SRRM1: variants seen among roughly 807,000 people sequenced by gnomAD.
SRRM1 encodes serine/arginine repetitive matrix protein 1.
In SRRM1, 19 loss-of-function variants were observed where a neutral mutation model predicts 110.2. The ratio of observed to expected loss-of-function variants is 0.17; its 90% confidence interval spans 0.12 to 0.25. The LOEUF (loss-of-function observed/expected upper bound fraction) is 0.25, where lower values mean the gene tolerates loss of function less well. Ranked by LOEUF, SRRM1 falls within the 10% of genes least tolerant of loss-of-function variation. The pLI is 1.00. For missense variants in SRRM1, 918 were observed against 1,145.8 expected, an observed-to-expected ratio of 0.80 and a Z score of 2.87; for synonymous variants, 443 against 414.9, an observed-to-expected ratio of 1.07 and a Z score of -0.82.
intron 8 of SRRM1, among the ~76,000 whole-genome samples, chr1:24,653,619 A>C (rs1247330383): frequency 6.6e-6 from 1 of 152,180 alleles, no homozygotes; most frequent in Non-Finnish European, 1.5e-5. Flanking sequence ...TCAAAACCCC[A>C]ACTGTACCAG....
Position 24,651,568 on chromosome 1 carries a change from A to C in SRRM1, c.681A>C (p.Ser227=), listed in dbSNP as rs1570747200. The change falls in exon 6 of 17, where the codon TCA becomes TCC. Residue 227 remains serine, a synonymous_variant. Coordinates refer to ENST00000323848, the MANE Select transcript of SRRM1 (RefSeq NM_005839.4). ...KEKTPELPEP[S]VKVKEPSVQE... ...AAACTCCAGAGCTCCCAGAACCTTC[A>C]GTGAAAGTAAAAGAACCTTCAGTAC... 3 of 1,613,834 alleles carry C rather than the reference A, an allele frequency of 1.9e-6. No homozygotes were observed. Among genetic ancestry groups the C allele is most frequent in the African/African-American group, 2.7e-5 (2 of 75,052 alleles).
Position 24,660,849 on chromosome 1 carries a change from T to C in SRRM1, c.1396+50T>C, listed in dbSNP as rs887057257. 3 of 1,365,042 alleles carry C rather than the reference T, an allele frequency of 2.2e-6. No homozygotes were observed. The African/African-American group carries it at 4.4e-5, about 20-fold the overall frequency. The allele number at this position is 1,365,042 out of a possible 1,614,324, so 84.6% of individuals were successfully genotyped here. ...ATTTTGGTTTGTTTGTTTTTGTTTT[T>C]CTTAAAGCTGATTTTGATTTTTTGC... On this transcript the variant is annotated intron_variant, in intron 10 of 16. Coordinates refer to ENST00000323848, the MANE Select transcript of SRRM1 (RefSeq NM_005839.4).
chr1:24,650,005 A>C lies in SRRM1; in HGVS notation c.440A>C (p.Gln147Pro), dbSNP rs375185519. Reference sequence around the variant, plus strand: ...GAAAAACTGGCATCTATGAAAAAGCAAGATGAAGACAAAGATAAAAGAGAT... The same window carrying C: ...GAAAAACTGGCATCTATGAAAAAGCCAGATGAAGACAAAGATAAAAGAGAT... The part of the protein sequence containing the change: ...EQEKLASMKK[Q>P]DEDKDKRDKE... Residue 147 changes from glutamine (Q) to proline (P), a missense_variant, in exon 5 of 17, where the codon CAA (glutamine) becomes CCA (proline). By Grantham distance (76) the Gln-to-Pro change is moderately conservative. Transcript: ENST00000323848. 2.5e-6 allele frequency: 4 copies of C among 1,594,870 alleles called. No homozygotes were observed. In the African/African-American group the frequency reaches 5.4e-5, roughly 22 times the overall value.
At chr1:24,669,623 T>A in intron 14 of SRRM1, 36 bp downstream of exon 14, 1 of 1,444,200 alleles carries the variant, frequency 6.9e-7, no homozygotes, top group Non-Finnish European at 9.4e-7. Context: ...TAGGAATACT[T>A]ACATAGCTGT....
At chr1:24,645,588 C>G (rs1049364321) in intron 1 of SRRM1, among the ~76,000 whole-genome samples, 2 of 152,120 alleles carry the variant, frequency 1.3e-5, no homozygotes, top group East Asian at 3.9e-4. Context: ...AGTAGTTTTG[C>G]AAGCATGCAA....
intron 12 of SRRM1, among the ~76,000 whole-genome samples, chr1:24,665,429 C>CAA (rs1217512447): frequency 1.9e-5 from 2 of 104,780 alleles, no homozygotes; most frequent in African/African-American, 3.7e-5. Context: ...AACTCCGTCT[C>CAA]AAAAAAAAAA....
At chr1:24,649,099 G>C in intron 4 of SRRM1, 70 bp downstream of exon 4, 1 of 1,387,626 alleles carries the variant, frequency 7.2e-7, no homozygotes, top group East Asian at 2.3e-5. Context: ...ACCTTAGGTA[G>C]TATATGACTC....
intron 12 of SRRM1, chr1:24,663,227 T>G (rs1668140615): frequency 6.6e-7 from 1 of 1,507,024 alleles, no homozygotes; most frequent in Non-Finnish European, 9.0e-7. Flanking sequence ...ACTAAAAGGT[T>G]GGTTAGACAC....
At position 24,670,121 on chromosome 1, in the gene SRRM1, G is replaced by A; in HGVS notation, c.2206G>A (p.Ala736Thr). The change falls in exon 15 of 17, where the codon GCT becomes ACT. Residue 736 changes from alanine to threonine, a missense_variant and splice_region_variant. This residue lies in a region of SRRM1 where 357 missense variants were observed against 402.9 expected (regional missense o/e 0.89). Coordinates refer to ENST00000323848, the MANE Select transcript of SRRM1 (RefSeq NM_005839.4). ...RTPEPKKIKKAASPSPQSVRR... is the reference protein window; with the variant it reads ...RTPEPKKIKKTASPSPQSVRR... ...GAATGTTTTTTCCTTTTTGTCTAGG[G>A]CTGCTTCCCCAAGCCCACAGTCTGT... The A allele has an allele frequency of 1.3e-6, 2 of 1,572,202 alleles. No individual in the cohort carries two copies. The highest frequency in any genetic ancestry group is 2.3e-5 in the East Asian group (1 of 43,874).
intron 6 of SRRM1, 45 bp downstream of exon 6, chr1:24,651,657 T>G (rs373573553): frequency 7.3e-7 from 1 of 1,365,154 alleles, no homozygotes; most frequent in Non-Finnish European, 1.0e-6. Context: ...AATTTTAGAT[T>G]AATAGTGACT....
At chr1:24,651,645 A>T (rs781235345) in intron 6 of SRRM1, 33 bp downstream of exon 6, 7 of 1,496,952 alleles carry the variant, frequency 4.7e-6, no homozygotes, top group Middle Eastern at 2.4e-4. Flanking sequence ...ATAAATAATC[A>T]CAATTTTAGA....
At chr1:24,667,484 C>A (rs976248436) in intron 13 of SRRM1, among the ~76,000 whole-genome samples, 4 of 152,176 alleles carry the variant, frequency 2.6e-5, no homozygotes, top group Non-Finnish European at 5.9e-5. Context: ...ACATTGGCAT[C>A]GTGTATTTCC....
intron 15 of SRRM1, 142 bp from the exon 16 acceptor site, chr1:24,671,244 C>T (rs1672588177): frequency 3.5e-6 from 3 of 856,544 alleles, no homozygotes; most frequent in African/African-American, 3.4e-5. Context: ...TGGCCTTGGG[C>T]CTTCCCCACT....
chr1:24,652,368 G>A (rs1661461888), intron 6 of SRRM1, 66 bp from the exon 7 acceptor site: 1 of 1,116,276 alleles, frequency 9.0e-7, no homozygotes, highest in African/African-American at 1.6e-5. Flanking sequence ...TTACATCATT[G>A]TGTAATGATT....
chr1:24,643,369 C>T, intron 1 of SRRM1, 22 bp downstream of exon 1: 4 of 1,545,172 alleles, frequency 2.6e-6, no homozygotes, highest in Non-Finnish European at 3.5e-6. Context: ...CGCCGGGCGC[C>T]GGGGTGAGGC....
chr1:24,657,380 T>C (rs977047645), intron 9 of SRRM1, among the ~76,000 whole-genome samples: 8 of 152,242 alleles, frequency 5.3e-5, no homozygotes, highest in African/African-American at 1.4e-4. Context: ...GTGAATACTT[T>C]TCACAACTTT....
Position 24,654,933 on chromosome 1 carries a change from G to A in SRRM1, c.1119G>A (p.Lys373=). 6.2e-7 allele frequency: 1 copy of A among 1,614,154 alleles called. No homozygotes were observed. Among genetic ancestry groups the A allele is most frequent in the South Asian group, 1.1e-5 (1 of 91,088 alleles). The change falls in exon 9 of 17, where the codon AAG becomes AAA. Residue 373 remains lysine (K), a synonymous_variant. Transcript: ENST00000323848. ...SSSRSRSPPK[K]PPKRTSSPPR... ...CTCGTTCACGGTCACCACCAAAGAA[G>A]CCTCCCAAGAGGACATCCAGCCCCC...
Position 24,660,756 on chromosome 1 carries a change from T to G in SRRM1, c.1353T>G (p.Pro451=). 4 of 1,593,070 alleles carry G rather than the reference T, an allele frequency of 2.5e-6. No individual in the cohort carries two copies. Among genetic ancestry groups the G allele is most frequent in the Non-Finnish European group, 3.4e-6 (4 of 1,171,394 alleles). The change falls in exon 10 of 17, where the codon CCT becomes CCG. Residue 451 remains proline, a synonymous_variant. Coordinates refer to ENST00000323848, the MANE Select transcript of SRRM1 (RefSeq NM_005839.4). ...AAGGTACTGAGAAAAGAGAATCCCC[T>G]TCACCAGCACCGAAGCCTAGAAAAG... ...KHKGTEKRES[P]SPAPKPRKVE...
intron 16 of SRRM1, 110 bp downstream of exon 16, chr1:24,671,705 C>T: frequency 1.0e-6 from 1 of 979,436 alleles, no homozygotes; most frequent in Non-Finnish European, 1.5e-6. Context: ...GCCAGTTACT[C>T]TGAGATAAAA....
Sources: allele counts gnomAD v4.1 joint callset (sites outside exome capture counted in the v4.1 genomes callset), GRCh38; gene constraint gnomAD v4.1.1; regional missense constraint gnomAD v4.1.1; transcripts MANE v1.5; gene names NCBI Gene and HGNC (gene_info 2026-07-23, HGNC 2026-07-21).